DCD: variants seen among roughly 807,000 people sequenced by gnomAD.
DCD encodes the protein diffusible survival/evasion peptide.
A neutral mutation model predicts 14.5 loss-of-function variants in DCD; 17 were observed. That is an observed-to-expected ratio of 1.18 (90% CI 0.81 to 1.76). The LOEUF (loss-of-function observed/expected upper bound fraction) is 1.76. DCD is among the 40% of genes most tolerant of loss of function. The probability of loss-of-function intolerance (pLI) is 0.00; values close to 1 mark genes in which losing one functional copy is unlikely to be tolerated. For missense variants in DCD, 139 were observed against 133.4 expected, an observed-to-expected ratio of 1.04 and a Z score of -0.21; for synonymous variants, 64 against 54.0, an observed-to-expected ratio of 1.19 and a Z score of -0.82.
At chr12:54,646,107 C>A (rs961095749) in intron 2 of DCD, 10 of 457,292 alleles carry the variant, frequency 2.2e-5, no homozygotes, top group South Asian at 1.5e-4. Flanking sequence ...ATTTGGCAGT[C>A]TCTGAAGGGG....
intron 2 of DCD, 32 bp from the exon 3 acceptor site, chr12:54,645,739 G>A: frequency 1.3e-6 from 2 of 1,571,026 alleles, no homozygotes; most frequent in Non-Finnish European, 1.8e-6. Flanking sequence ...AGGAATAATA[G>A]CTATTTCACT....
intron 4 of DCD, 66 bp from the exon 5 acceptor site, chr12:54,644,822 A>G: frequency 6.4e-7 from 1 of 1,554,846 alleles, no homozygotes; most frequent in Non-Finnish European, 8.7e-7. Flanking sequence ...AAAGAGAGCC[A>G]GGGAATTGGG....
In DCD at chr12:54,645,670, T is replaced by C. The variant is rs895606334; in HGVS notation, c.135A>G (p.Ala45=). Residue 45 remains alanine, a synonymous_variant, in exon 3 of 5, where the codon GCA becomes GCG. Coordinates refer to ENST00000293371, the MANE Select transcript of DCD (RefSeq NM_053283.4). ...HEASAAQKEN[A]GEDPGLARQA... is the part of the protein sequence containing the mutation. ...GTCTGGCTAACCCTGGGTCTTCACC[T>C]GCATTTTCCTTTTGAGCTGCTGATG... is the stretch of plus-strand genomic sequence containing the variant. 2 of 1,614,168 alleles carry C rather than the reference T, an allele frequency of 1.2e-6. No homozygotes were observed. Among genetic ancestry groups the C allele is most frequent in the African/African-American group, 2.7e-5 (2 of 75,068 alleles).
In DCD at chr12:54,645,929, T is replaced by C. The variant is rs1313181699; in HGVS notation, c.98-222A>G. On this transcript the variant is annotated intron_variant, in intron 2 of 4. Transcript: ENST00000293371. ...TTTTCCTGCTCCTCCAGGGCCCTTT[T>C]CTAGAGTAGATTATGGTTCAGGGAA... 4 of 573,004 alleles carry C rather than the reference T, an allele frequency of 7.0e-6. No individual in the cohort carries two copies. The African/African-American group carries it at 7.5e-5, about 11-fold the overall frequency. The allele number at this position is 573,004 out of a possible 1,614,324, so 35.5% of individuals were successfully genotyped here. A position where few individuals can be genotyped will look rare whatever the true frequency, so the allele number is the denominator to read the frequency against.
chr12:54,644,797 A>G (rs773083042), intron 4 of DCD, 41 bp from the exon 5 acceptor site: 1 of 1,584,774 alleles, frequency 6.3e-7, no homozygotes, highest in Non-Finnish European at 8.6e-7. Context: ...AGGGGTAGGA[A>G]GAAAAAAGGA....
chr12:54,647,104 G>A lies in DCD; in HGVS notation c.97+17C>T, dbSNP rs1461246884. On this transcript the variant is annotated intron_variant, in intron 2 of 4. Transcript: ENST00000293371. ...CTCCCACCCAGGACTGGGGCAGGAGGAAGAGAAAGGACTCACGGTTCCCCG... is the reference window on the plus strand; with the variant it reads ...CTCCCACCCAGGACTGGGGCAGGAGAAAGAGAAAGGACTCACGGTTCCCCG... 16 of 1,555,044 alleles carry A rather than the reference G, an allele frequency of 1.0e-5. No individual in the cohort carries two copies. The highest frequency in any genetic ancestry group is 1.4e-5 in the Non-Finnish European group (16 of 1,148,528).
chr12:54,647,678 C>G (rs530457210), intron 1 of DCD, among the ~76,000 whole-genome samples: 1 of 152,246 alleles, frequency 6.6e-6, no homozygotes, highest in African/African-American at 2.4e-5. Context: ...GGGAAGCTGA[C>G]AGTCAATGGG....
chr12:54,645,386 C>T (rs965480036), intron 3 of DCD, 124 bp from the exon 4 acceptor site: 2 of 1,017,980 alleles, frequency 2.0e-6, no homozygotes, highest in Non-Finnish European at 3.0e-6. Context: ...CTGAAGGAAC[C>T]AACTTCTCTG....
chr12:54,648,167 G>C lies in DCD; in HGVS notation c.58+79C>G, dbSNP rs573293524. 1.7e-5 allele frequency: 26 copies of C among 1,527,812 alleles called. 1 individual carries two copies. The South Asian group carries it at 2.5e-4, about 15-fold the overall frequency. The allele number at this position is 1,527,812 out of a possible 1,614,324, so 94.6% of individuals were successfully genotyped here. A position where few individuals can be genotyped will look rare whatever the true frequency, so the allele number is the denominator to read the frequency against. On this transcript the variant is annotated intron_variant, in intron 1 of 4. Transcript: ENST00000293371. ...GACTTGGGTGAACTGCCTCTGGCGAGGAGGGGAAGGGGAAATGAAGGCAGG... is the reference window on the plus strand; with the variant it reads ...GACTTGGGTGAACTGCCTCTGGCGACGAGGGGAAGGGGAAATGAAGGCAGG...
intron 4 of DCD, 95 bp downstream of exon 4, chr12:54,645,078 G>C: frequency 6.7e-7 from 1 of 1,494,202 alleles, no homozygotes; most frequent in Non-Finnish European, 9.3e-7. Context: ...ACAAAGTGAG[G>C]GGTCTTCAAT....
At chr12:54,645,427 T>A (rs1157637739) in intron 3 of DCD, among the ~76,000 whole-genome samples, 165 bp from the exon 4 acceptor site, 1 of 152,184 alleles carries the variant, frequency 6.6e-6, no homozygotes, top group African/African-American at 2.4e-5. Flanking sequence ...CAGTATTAGC[T>A]GCAAAACCTA....
chr12:54,644,898 G>T (rs914425854), intron 4 of DCD, 142 bp from the exon 5 acceptor site: 1 of 1,550,678 alleles, frequency 6.4e-7, no homozygotes. Context: ...AAGTCAGAGG[G>T]ATGGAGGTTA....
intron 3 of DCD, 114 bp from the exon 4 acceptor site, chr12:54,645,376 CT>C: frequency 3.7e-6 from 4 of 1,081,920 alleles, no homozygotes; most frequent in Non-Finnish European, 5.6e-6. Context: ...AGTGGTTTTG[CT>C]GAAGGAACCA....
intron 4 of DCD, 117 bp from the exon 5 acceptor site, chr12:54,644,873 G>A (rs1433963476): frequency 6.4e-7 from 1 of 1,551,442 alleles, no homozygotes; most frequent in Non-Finnish European, 8.7e-7. Context: ...GGGAGGCCTG[G>A]AGGTGCTTAC....
At position 54,645,237 on chromosome 12, in the gene DCD, T is replaced by A. The variant is rs777334916; in HGVS notation, c.225A>T (p.Lys75Asn). 6.2e-7 allele frequency: 1 copy of A among 1,613,678 alleles called. No homozygotes were observed. The highest frequency in any genetic ancestry group is 8.5e-7 in the Non-Finnish European group (1 of 1,179,682). ...CTAGTTTTCCGAGTCCCCCCACAGC[T>A]TTTTTTGCTCCGTCTAGGCCTTTTT... ...LLEKGLDGAK[K>N]AVGGLGKLGK... The change falls in exon 4 of 5, where the codon AAA becomes AAT. Residue 75 changes from lysine to asparagine, a missense_variant. Coordinates refer to ENST00000293371, the MANE Select transcript of DCD (RefSeq NM_053283.4).
chr12:54,645,271 G>A lies in DCD; in HGVS notation c.200-9C>T. 1 of 1,613,202 alleles carries A rather than the reference G, an allele frequency of 6.2e-7. No homozygotes were observed. The highest frequency in any genetic ancestry group is 8.5e-7 in the Non-Finnish European group (1 of 1,179,232). ...TCCGTCTAGGCCTTTTTCTAGGGTG[G>A]ATTCAGAAAAGAAGAGGTCATAGAA... On this transcript the variant is annotated splice_polypyrimidine_tract_variant and intron_variant, in intron 3 of 4. Transcript: ENST00000293371.
chr12:54,645,542 C>A (rs1231745429), intron 3 of DCD, 64 bp downstream of exon 3: 2 of 1,434,898 alleles, frequency 1.4e-6, no homozygotes, highest in African/African-American at 1.4e-5. Context: ...GGCAGACTGG[C>A]CCCCAGATAT....
rs1200973517 is a variant in DCD at position 54,644,719 on chromosome 12, T to G, written c.327A>C (p.Val109=). Residue 109 remains valine, a synonymous_variant, in exon 5 of 5, where the codon GTA becomes GTC. Transcript: ENST00000293371. ...TCTCAGCTTCTCCTTACAGCTATAG[T>G]ACTGAGTCAAGGACGTCTTTAACGT... ...VHDVKDVLDS[V]L The G allele has an allele frequency of 6.2e-7, 1 of 1,609,182 alleles. No individual in the cohort carries two copies.
rs749521523 is a variant in DCD, at chr12:54,644,715, A to G, written c.331T>C (p.Ter111GlnextTer2). The G allele has an allele frequency of 1.2e-6, 2 of 1,604,442 alleles. No individual in the cohort carries two copies. Among genetic ancestry groups the G allele is most frequent in the Non-Finnish European group, 1.7e-6 (2 of 1,176,354 alleles). ...CATTTCTCAGCTTCTCCTTACAGCT[A>G]TAGTACTGAGTCAAGGACGTCTTTA... ...DVKDVLDSVL* is the reference protein window; with the variant it reads ...DVKDVLDSVLQ Residue 111 changes from the stop codon to glutamine, a stop_lost, in exon 5 of 5, where the codon TAG becomes CAG. Coordinates refer to ENST00000293371, the MANE Select transcript of DCD (RefSeq NM_053283.4).
Sources: gnomAD v4.1 joint callset for allele counts (sites outside exome capture counted in the v4.1 genomes callset) on GRCh38, gnomAD v4.1.1 for gene constraint, MANE v1.5 for transcripts, NCBI Gene and HGNC (gene_info 2026-07-23, HGNC 2026-07-21) for gene names.